Variants in LPCAT1 observed in about 807,000 individuals in gnomAD.
LPCAT1 encodes lysophosphatidylcholine acyltransferase 1.
A neutral mutation model predicts 60.9 loss-of-function variants in LPCAT1; 23 were observed. The ratio of observed to expected loss-of-function variants is 0.38; its 90% CI spans 0.27 to 0.53. LPCAT1 has a LOEUF of 0.53. Ranked by LOEUF, LPCAT1 falls within the 20% of genes least tolerant of loss-of-function variation. LPCAT1 has a pLI of 0.82. For missense variants in LPCAT1, 622 were observed against 723.6 expected (o/e 0.86, Z 1.61); for synonymous variants, 340 against 301.1 (o/e 1.13, Z -1.34).
At chr5:1,468,336 G>C (rs1024558773) in intron 12 of LPCAT1, among the ~76,000 whole-genome samples, 1 of 152,204 alleles carries the variant, frequency 6.6e-6, no homozygotes, top group African/African-American at 2.4e-5. Flanking sequence ...CGAAATCCAC[G>C]TTGGTGCTGC....
At chr5:1,508,509 G>A (rs1252876160) in intron 1 of LPCAT1, among the ~76,000 whole-genome samples, 2 of 152,112 alleles carry the variant, frequency 1.3e-5, no homozygotes, top group Non-Finnish European at 2.9e-5. Flanking sequence ...GAGGACACAG[G>A]GTGAAGGCAC....
At chr5:1,484,132 G>C (rs749605955) in intron 5 of LPCAT1, among the ~76,000 whole-genome samples, 1 of 152,244 alleles carries the variant, frequency 6.6e-6, no homozygotes, top group African/African-American at 2.4e-5. Flanking sequence ...GGACTTGCCC[G>C]GGATCTGCCT....
chr5:1,495,098 C>T lies in LPCAT1; in HGVS notation c.279-184G>A, dbSNP rs1419102095. 6.6e-6 allele frequency among the ~76,000 whole-genome samples: 1 copy of T among 152,200 alleles called. No individual in the cohort carries two copies. The highest frequency in any genetic ancestry group is 1.5e-5 in the Non-Finnish European group (1 of 68,026). ...AGACGCCGCGCCTTCCTGGCCTCCG[C>T]CTGTGTCCTCGCTGGCTGCGCTCTC... On this transcript the variant is annotated intron_variant, in intron 2 of 13. Transcript: ENST00000283415. This position sits in a 1 kb window ranked among gnomAD's most constrained non-coding sequence, Gnocchi z 4.7.
intron 3 of LPCAT1, among the ~76,000 whole-genome samples, chr5:1,491,465 G>A (rs943006618): frequency 2.0e-5 from 3 of 148,600 alleles, no homozygotes; most frequent in Non-Finnish European, 4.5e-5. Context: ...ACGTGGGGGC[G>A]TTTCACACTC....
At chr5:1,484,887 A>C (rs1735312050) in intron 5 of LPCAT1, among the ~76,000 whole-genome samples, 1 of 152,142 alleles carries the variant, frequency 6.6e-6, no homozygotes, top group Non-Finnish European at 1.5e-5. Flanking sequence ...AAGCTCATGC[A>C]GTTCACCCAG....
chr5:1,470,155 G>T (rs1188731539), intron 12 of LPCAT1, among the ~76,000 whole-genome samples: 1 of 152,248 alleles, frequency 6.6e-6, no homozygotes, highest in Non-Finnish European at 1.5e-5. Context: ...GAGAAGCCTT[G>T]GTAAAGTTGT....
In LPCAT1 at chr5:1,523,122, C is replaced by G. The variant is rs1214391891; in HGVS notation, c.135+588G>C. Among the ~76,000 whole-genome samples, 4 of 151,504 alleles carry G rather than the reference C, an allele frequency of 2.6e-5. No homozygotes were observed. Among genetic ancestry groups the G allele is most frequent in the Non-Finnish European group, 5.9e-5 (4 of 67,654 alleles). On this transcript the variant is annotated intron_variant, in intron 1 of 13. Coordinates refer to ENST00000283415, the MANE Select transcript of LPCAT1 (RefSeq NM_024830.5). The surrounding 1 kb of genome is among the most constrained non-coding windows in gnomAD (Gnocchi z 7.1). ...CCGCAGAGCAGGGAGACCCGTGCGCCTACAGGGGACCCTACAGGGGACCCG... is the reference window on the plus strand; with the variant it reads ...CCGCAGAGCAGGGAGACCCGTGCGCGTACAGGGGACCCTACAGGGGACCCG...
intron 13 of LPCAT1, among the ~76,000 whole-genome samples, chr5:1,465,269 T>C (rs1186132295): frequency 7.9e-6 from 1 of 126,336 alleles, no homozygotes; most frequent in Non-Finnish European, 1.6e-5. Flanking sequence ...CACATGCCCA[T>C]GCACACACAC....
At position 1,487,350 on chromosome 5, in the gene LPCAT1, C is replaced by G. The variant is rs983227354; in HGVS notation, c.667+1041G>C. 6.6e-6 allele frequency among the ~76,000 whole-genome samples: 1 copy of G among 152,210 alleles called. No individual in the cohort carries two copies. The highest frequency in any genetic ancestry group is 1.5e-5 in the Non-Finnish European group (1 of 68,030). On this transcript the variant is annotated intron_variant, in intron 5 of 13. Transcript: ENST00000283415. The surrounding 1 kb of genome is among the most constrained non-coding windows in gnomAD (Gnocchi z 6.1). ...ATCTCTGGTTCTGATCAGAATGACTCAGAACCACGCGTGGTGAAGACAATG... is the reference window on the plus strand; with the variant it reads ...ATCTCTGGTTCTGATCAGAATGACTGAGAACCACGCGTGGTGAAGACAATG...
intron 2 of LPCAT1, among the ~76,000 whole-genome samples, chr5:1,497,009 C>T (rs531310154): frequency 7.9e-5 from 12 of 152,298 alleles, no homozygotes; most frequent in East Asian, 3.9e-4. Flanking sequence ...CTCACACGGA[C>T]GACACCCAAG....
intron 11 of LPCAT1, 141 bp from the exon 12 acceptor site, chr5:1,471,065 T>C (rs1370311620): frequency 3.0e-6 from 2 of 661,196 alleles, no homozygotes; most frequent in Non-Finnish European, 5.1e-6. Context: ...AAAGGGAATC[T>C]TGGAAGGACA....
chr5:1,514,518 C>T (rs1440747885), intron 1 of LPCAT1, among the ~76,000 whole-genome samples: 4 of 152,208 alleles, frequency 2.6e-5, no homozygotes, highest in African/African-American at 4.8e-5. Flanking sequence ...AAAGTCCACA[C>T]GGGGCCCACA....
At position 1,489,839 on chromosome 5, in the gene LPCAT1, C is replaced by T. The variant is rs1350125184; in HGVS notation, c.513G>A (p.Arg171=). The stretch of plus-strand genomic sequence containing the variant: ...GGTCTGACCGGGACACGAACACAGG[C>T]CGTATATACTGGATCAGAGCTGGAA... ...PIWGTLIQYI[R]PVFVSRSDQD... The change falls in exon 4 of 14, where the codon CGG becomes CGA. Residue 171 remains arginine, a synonymous_variant. Coordinates refer to ENST00000283415, the MANE Select transcript of LPCAT1 (RefSeq NM_024830.5). 9.9e-6 allele frequency: 16 copies of T among 1,612,930 alleles called. No individual in the cohort carries two copies. The highest frequency in any genetic ancestry group is 1.2e-5 in the Non-Finnish European group (14 of 1,179,006).
rs1736681448 is a variant in LPCAT1 at position 1,521,658 on chromosome 5, C to T, written c.135+2052G>A. On this transcript the variant is annotated intron_variant, in intron 1 of 13. Coordinates refer to ENST00000283415, the MANE Select transcript of LPCAT1 (RefSeq NM_024830.5). This position sits in a 1 kb window ranked among gnomAD's most constrained non-coding sequence, Gnocchi z 4.3. ...AACACACCTAATTCCTCAGATGGAACCTCTGAAGTGGCAACAAAGCAAGCC... is the reference window on the plus strand; with the variant it reads ...AACACACCTAATTCCTCAGATGGAATCTCTGAAGTGGCAACAAAGCAAGCC... Among the ~76,000 whole-genome samples the T allele has an allele frequency of 6.6e-6, 1 of 152,234 alleles. No homozygotes were observed. The highest frequency in any genetic ancestry group is 2.4e-5 in the African/African-American group (1 of 41,470).
Position 1,487,190 on chromosome 5 carries a change from T to C in LPCAT1, c.667+1201A>G, listed in dbSNP as rs1416992416. Among the ~76,000 whole-genome samples the C allele has an allele frequency of 2.6e-5, 4 of 152,214 alleles. No homozygotes were observed. The highest frequency in any genetic ancestry group is 5.9e-5 in the Non-Finnish European group (4 of 68,038). On this transcript the variant is annotated intron_variant, in intron 5 of 13. Transcript: ENST00000283415. The surrounding 1 kb of genome is among the most constrained non-coding windows in gnomAD (Gnocchi z 6.1). ...AGACCTGACGTACTTGCCAGCTGTC[T>C]TCTGCCTGGGGCCTTGGAAACACGG...
At position 1,519,661 on chromosome 5, in the gene LPCAT1, C is replaced by T. The variant is rs181525440; in HGVS notation, c.135+4049G>A. On this transcript the variant is annotated intron_variant, in intron 1 of 13. Transcript: ENST00000283415. ...CACAGCAGCTGGGCCTCTGTGTCCT[C>T]ACCTGTGCTTCCTGGGGCAAAGGAT... Among the ~76,000 whole-genome samples the T allele has an allele frequency of 4.9e-4, 74 of 152,362 alleles. No homozygotes were observed. The South Asian group carries it at 7.7e-3, about 16-fold the overall frequency.
chr5:1,479,437 G>C (rs982015975), intron 8 of LPCAT1, 184 bp downstream of exon 8: 1 of 609,922 alleles, frequency 1.6e-6, no homozygotes, highest in Non-Finnish European at 2.9e-6. Flanking sequence ...TCATAAGAGA[G>C]ACATAAAGTC....
At chr5:1,505,129 C>T (rs1297921443) in intron 1 of LPCAT1, among the ~76,000 whole-genome samples, 3 of 149,822 alleles carry the variant, frequency 2.0e-5, no homozygotes, top group Admixed American at 2.0e-4. Flanking sequence ...GTAACCCACG[C>T]TGTTCCTGAA....
intron 1 of LPCAT1, among the ~76,000 whole-genome samples, chr5:1,514,616 C>T (rs563764460): frequency 9.9e-5 from 15 of 151,792 alleles, no homozygotes; most frequent in Admixed American, 5.9e-4. Flanking sequence ...ATGCACCCTA[C>T]GCCGCCAGGC....
Sources: allele counts gnomAD v4.1 joint callset (sites outside exome capture counted in the v4.1 genomes callset), GRCh38; gene constraint gnomAD v4.1.1; non-coding constraint Gnocchi (gnomAD v3.1); transcripts MANE v1.5; gene names NCBI Gene and HGNC (gene_info 2026-07-23, HGNC 2026-07-21).